Variants in FAH observed in about 807,000 individuals in gnomAD.
The protein encoded by FAH is fumarylacetoacetase.
In FAH, 47 loss-of-function variants were observed where a neutral mutation model predicts 55.8. The observed-to-expected ratio is 0.84, with a 90% confidence interval of 0.67 to 1.07. The LOEUF is 1.07. Among genes scored for constraint, FAH ranks in the 50% least tolerant of loss-of-function variants. The probability of loss-of-function intolerance (pLI) is 0.00; values close to 1 mark genes in which losing one functional copy is unlikely to be tolerated. For missense variants in FAH, 495 were observed against 545.9 expected (o/e 0.91, Z 0.93); for synonymous variants, 199 against 207.7 (o/e 0.96, Z 0.36).
In FAH at chr15:80,159,741, C is replaced by T; in HGVS notation, c.193-15C>T. The T allele has an allele frequency of 4.3e-6, 7 of 1,614,146 alleles. No homozygotes were observed. The highest frequency in any genetic ancestry group is 5.1e-6 in the Non-Finnish European group (6 of 1,180,008). On this transcript the variant is annotated splice_polypyrimidine_tract_variant and intron_variant, in intron 2 of 13. Transcript: ENST00000561421. Reference sequence around the variant, plus strand: ...TTCCTGTACGTGATCTTTTTTCTCCCTGTTTTGGTCTTAGCCTACACTCAA... The same window carrying T: ...TTCCTGTACGTGATCTTTTTTCTCCTTGTTTTGGTCTTAGCCTACACTCAA...
At chr15:80,159,963 C>T (rs1482378777) in intron 3 of FAH, 86 bp downstream of exon 3, 18 of 1,534,534 alleles carry the variant, frequency 1.2e-5, no homozygotes, top group African/African-American at 2.7e-5. Context: ...TTCTGAGTCA[C>T]GGCTTGGCAG....
At chr15:80,156,770 A>G in intron 1 of FAH, 1 of 152,158 alleles carries the variant, frequency 6.6e-6, no homozygotes, top group East Asian at 1.9e-4. Flanking sequence ...AATAACTCCC[A>G]AGGTTGAAAG....
At chr15:80,180,966 G>C in intron 12 of FAH, 76 bp from the exon 13 acceptor site, 1 of 1,237,704 alleles carries the variant, frequency 8.1e-7, no homozygotes, top group Non-Finnish European at 1.2e-6. Flanking sequence ...GGACTCCCAG[G>C]TCTTGCTGAG....
At chr15:80,164,699 T>G (rs181652200) in intron 5 of FAH, among the ~76,000 whole-genome samples, 2 of 152,224 alleles carry the variant, frequency 1.3e-5, no homozygotes, top group African/African-American at 4.8e-5. Context: ...ACTCCTTTTT[T>G]TCATCTGAAT....
chr15:80,185,656 G>T (rs374547407), intron 13 of FAH, among the ~76,000 whole-genome samples: 1 of 152,216 alleles, frequency 6.6e-6, no homozygotes, highest in Non-Finnish European at 1.5e-5. Flanking sequence ...ATGGTGGCAG[G>T]CAAGAGAGAA....
At chr15:80,180,295 C>A in intron 12 of FAH, 70 bp downstream of exon 12, 1 of 1,257,748 alleles carries the variant, frequency 8.0e-7, no homozygotes, top group Non-Finnish European at 1.1e-6. Context: ...CCCAAGGGCC[C>A]TCAGCTCAGC....
intron 7 of FAH, among the ~76,000 whole-genome samples, chr15:80,170,472 C>T (rs941059295): frequency 9.2e-5 from 14 of 152,242 alleles, no homozygotes; most frequent in Non-Finnish European, 1.5e-4. Context: ...AATGAGTGGG[C>T]ACTGCCGAAT....
At chr15:80,172,935 T>C in intron 8 of FAH, 79 bp from the exon 9 acceptor site, 4 of 1,601,308 alleles carry the variant, frequency 2.5e-6, no homozygotes, top group Non-Finnish European at 1.7e-6. Context: ...TCTCTGCTCC[T>C]TGGTCAAGGG....
In FAH at chr15:80,177,240, A is replaced by G. The variant is rs28562328; in HGVS notation, c.914-297A>G. Among the ~76,000 whole-genome samples the G allele has an allele frequency of 0.016, 2,397 of 152,266 alleles. 64 individuals carry two copies. Among genetic ancestry groups the G allele is most frequent in the African/African-American group, 0.055 (2,287 of 41,530 alleles). On this transcript the variant is annotated intron_variant, in intron 10 of 13. Transcript: ENST00000561421. ...TATCTTTAGTGGATTTGCGGGTGCC[A>G]GGATCACTGTGTTAAGAAGGATTCT...
At chr15:80,178,782 G>T (rs1229604549) in intron 11 of FAH, among the ~76,000 whole-genome samples, 7 of 151,828 alleles carry the variant, frequency 4.6e-5, no homozygotes, top group African/African-American at 1.5e-4. Context: ...TGGAGATGGG[G>T]TTTCACCATG....
intron 1 of FAH, 46 bp downstream of exon 1, chr15:80,153,181 TGGA>T: frequency 1.0e-6 from 1 of 955,984 alleles, no homozygotes. Flanking sequence ...GGGAGTGGAG[TGGA>T]GTGGAGTGGA....
At chr15:80,154,292 G>C (rs1595888907) in intron 1 of FAH, among the ~76,000 whole-genome samples, 1 of 152,214 alleles carries the variant, frequency 6.6e-6, no homozygotes, top group African/African-American at 2.4e-5. Context: ...TTTCCTGGGA[G>C]CACAAATCCA....
At chr15:80,162,058 G>T (rs2041154139) in intron 4 of FAH, among the ~76,000 whole-genome samples, 188 bp from the exon 5 acceptor site, 1 of 152,196 alleles carries the variant, frequency 6.6e-6, no homozygotes, top group Non-Finnish European at 1.5e-5. Flanking sequence ...TCAGCTGAGG[G>T]CTCTAAAAAC....
chr15:80,164,591 C>G (rs1190036542), intron 5 of FAH, among the ~76,000 whole-genome samples: 2 of 152,050 alleles, frequency 1.3e-5, no homozygotes, highest in Admixed American at 6.6e-5. Flanking sequence ...TACATTAGTT[C>G]CATAGGCCGG....
intron 5 of FAH, chr15:80,162,849 C>T (rs1030204670): frequency 4.5e-6 from 1 of 223,978 alleles, no homozygotes; most frequent in Non-Finnish European, 9.0e-6. Flanking sequence ...GAAGGATCAA[C>T]TTGCCTGAGC....
intron 9 of FAH, among the ~76,000 whole-genome samples, chr15:80,173,994 C>G (rs914442286): frequency 2.0e-5 from 3 of 152,184 alleles, no homozygotes; most frequent in Non-Finnish European, 2.9e-5. Context: ...GCTCCTCTGC[C>G]TCTGGGGTCA....
chr15:80,183,406 G>A (rs894529782), intron 13 of FAH, among the ~76,000 whole-genome samples: 3 of 152,240 alleles, frequency 2.0e-5, no homozygotes, highest in Non-Finnish European at 2.9e-5. Flanking sequence ...GCAGAGGAGC[G>A]GGCAGGTGGA....
intron 2 of FAH, 73 bp from the exon 3 acceptor site, chr15:80,159,683 C>A (rs569424891): frequency 6.3e-7 from 1 of 1,589,760 alleles, no homozygotes; most frequent in South Asian, 1.1e-5. Flanking sequence ...GGCTGGCTGG[C>A]CTTCCATTGG....
At chr15:80,165,488 G>A (rs1439619621) in intron 5 of FAH, among the ~76,000 whole-genome samples, 11 of 149,816 alleles carry the variant, frequency 7.3e-5, no homozygotes, top group African/African-American at 1.5e-4. Flanking sequence ...AGGTTGTGCC[G>A]TTGCACTCCA....
Sources: allele counts gnomAD v4.1 joint callset (sites outside exome capture counted in the v4.1 genomes callset), GRCh38; gene constraint gnomAD v4.1.1; transcripts MANE v1.5; gene names NCBI Gene and HGNC (gene_info 2026-07-23, HGNC 2026-07-21).